OLFM3: variants seen among roughly 807,000 people sequenced by gnomAD.
The protein encoded by OLFM3 is olfactomedin 3.
Under a neutral mutation model 48.6 loss-of-function variants are expected in OLFM3, and 20 were observed. That is an observed-to-expected ratio of 0.41 (90% CI 0.29 to 0.60). The LOEUF (loss-of-function observed/expected upper bound fraction) is 0.60. Among genes scored for constraint, OLFM3 ranks in the 20% least tolerant of loss-of-function variants. The pLI is 0.28. For synonymous variants in OLFM3, 222 were observed against 198.1 expected, an observed-to-expected ratio of 1.12 and a Z score of -1.01; for missense variants, 437 against 544.3, an observed-to-expected ratio of 0.80 and a Z score of 1.96.
Position 101,804,188 on chromosome 1 carries a change from G to A in OLFM3, c.*50C>T. 1.4e-6 allele frequency: 2 copies of A among 1,396,872 alleles called. No individual in the cohort carries two copies. Among genetic ancestry groups the A allele is most frequent in the Non-Finnish European group, 1.9e-6 (2 of 1,032,034 alleles). 86.5% of individuals were successfully genotyped at this position (1,396,872 alleles called of 1,614,324 possible). A position where few individuals can be genotyped will look rare whatever the true frequency, so the allele number is the denominator to read the frequency against. ...AAAAAAACGGAAGGGGTCTTATAGA[G>A]TTTATCACAAATCACACTGTTTAAA... On this transcript the variant is annotated 3_prime_UTR_variant, in exon 6 of 6. Coordinates refer to ENST00000370103, the MANE Select transcript of OLFM3 (RefSeq NM_058170.4). This position sits in a 1 kb window ranked among gnomAD's most constrained non-coding sequence, Gnocchi z 4.5.
At chr1:101,867,235 C>T (rs1291355951) in intron 1 of OLFM3, among the ~76,000 whole-genome samples, 1 of 152,190 alleles carries the variant, frequency 6.6e-6, no homozygotes, top group Non-Finnish European at 1.5e-5. Context: ...CTCTGATTTA[C>T]TTATCAAATC....
At chr1:101,992,717 G>A (rs1166334404) in intron 1 of OLFM3, among the ~76,000 whole-genome samples, 1 of 151,810 alleles carries the variant, frequency 6.6e-6, no homozygotes, top group Non-Finnish European at 1.5e-5. Flanking sequence ...CACTTAGGCA[G>A]TTTAAGTCTG....
At chr1:101,823,806 A>G (rs10747410) in intron 4 of OLFM3, among the ~76,000 whole-genome samples, 99,079 of 151,736 alleles carry the variant, frequency 0.65, 32,823 homozygotes, top group African/African-American at 0.69. Context: ...GGAATAAAGA[A>G]CTGAGGATTC....
Position 101,996,850 on chromosome 1 carries a change from T to C in OLFM3, c.-34A>G, listed in dbSNP as rs1311956033. ...GGGTTTTTGCCCCTCTTTACTCTCTTTTATGTAGGCTCTCCACTCACTGCA... is the reference window on the plus strand; with the variant it reads ...GGGTTTTTGCCCCTCTTTACTCTCTCTTATGTAGGCTCTCCACTCACTGCA... On this transcript the variant is annotated 5_prime_UTR_variant, in exon 1 of 6. Coordinates refer to ENST00000370103, the MANE Select transcript of OLFM3 (RefSeq NM_058170.4). 4 of 1,609,254 alleles carry C rather than the reference T, an allele frequency of 2.5e-6. No individual in the cohort carries two copies. Among genetic ancestry groups the C allele is most frequent in the Non-Finnish European group, 3.4e-6 (4 of 1,175,866 alleles).
intron 1 of OLFM3, among the ~76,000 whole-genome samples, chr1:101,897,060 A>G (rs1658233669): frequency 2.6e-5 from 4 of 152,182 alleles, no homozygotes; most frequent in Admixed American, 2.6e-4. Flanking sequence ...TAGGATGTCC[A>G]TAAGTGCTAA....
intron 1 of OLFM3, among the ~76,000 whole-genome samples, chr1:101,952,713 C>T (rs1217949603): frequency 6.6e-6 from 1 of 151,962 alleles, no homozygotes; most frequent in Non-Finnish European, 1.5e-5. Flanking sequence ...AACCACTTAC[C>T]AATGAGCATT....
At chr1:101,848,737 C>T (rs538535159) in intron 1 of OLFM3, among the ~76,000 whole-genome samples, 2 of 152,096 alleles carry the variant, frequency 1.3e-5, no homozygotes, top group Admixed American at 6.5e-5. Context: ...ATTTACAAAT[C>T]TAATGTTGAA....
rs1653549605 is a variant in OLFM3 at position 101,802,754 on chromosome 1, CT to C, written c.*1483del. The C allele has an allele frequency of 6.6e-6, 1 of 151,536 alleles. No individual in the cohort carries two copies. The highest frequency in any genetic ancestry group is 1.5e-5 in the Non-Finnish European group (1 of 67,690). The allele number at this position is 151,536 out of a possible 1,614,324, so 9.4% of individuals were successfully genotyped here. The stretch of plus-strand genomic sequence containing the variant: ...ATCATGGTACTATGTATGTGTGAAA[CT>C]AAACATTTAAAACAATTTGTTTTAT... On this transcript the variant is annotated 3_prime_UTR_variant, in exon 6 of 6. Transcript: ENST00000370103.
intron 1 of OLFM3, among the ~76,000 whole-genome samples, chr1:101,922,392 T>C (rs1659125973): frequency 6.6e-6 from 1 of 152,158 alleles, no homozygotes. Context: ...TTGAACACCG[T>C]ACATACAGGC....
rs1656234396 is a variant in OLFM3, at chr1:101,851,902, T to C, written c.70-14877A>G. Among the ~76,000 whole-genome samples the C allele has an allele frequency of 2.6e-5, 4 of 152,254 alleles. No individual in the cohort carries two copies. In the South Asian group the frequency reaches 8.3e-4, roughly 32 times the overall value. Reference sequence around the variant, plus strand: ...CTGTTAAGACCCAAATTTCCAGGTCTCACCTGAGTCTGATTTAGCTTTAGG... The same window carrying C: ...CTGTTAAGACCCAAATTTCCAGGTCCCACCTGAGTCTGATTTAGCTTTAGG... On this transcript the variant is annotated intron_variant, in intron 1 of 5. Coordinates refer to ENST00000370103, the MANE Select transcript of OLFM3 (RefSeq NM_058170.4).
intron 1 of OLFM3, among the ~76,000 whole-genome samples, chr1:101,880,041 A>C (rs985057587): frequency 2.7e-4 from 41 of 151,992 alleles, no homozygotes; most frequent in African/African-American, 8.9e-4. Context: ...CTTTTGCCTA[A>C]ATTTTTAATA....
At chr1:101,837,415 T>C (rs1655481961) in intron 1 of OLFM3, among the ~76,000 whole-genome samples, 1 of 152,126 alleles carries the variant, frequency 6.6e-6, no homozygotes, top group Non-Finnish European at 1.5e-5. Flanking sequence ...CTAATATTAA[T>C]ATATTATTTT....
chr1:101,926,870 G>T (rs971345581), intron 1 of OLFM3, among the ~76,000 whole-genome samples: 19 of 152,058 alleles, frequency 1.2e-4, no homozygotes, highest in Admixed American at 1.2e-3. Context: ...TTTTTAAAAG[G>T]CTTACTATTT....
At chr1:101,876,810 G>A (rs1657319762) in intron 1 of OLFM3, among the ~76,000 whole-genome samples, 1 of 151,876 alleles carries the variant, frequency 6.6e-6, no homozygotes, top group Non-Finnish European at 1.5e-5. Context: ...AGTATAGGTT[G>A]TAACAAGTCA....
At chr1:101,819,535 T>C (rs1483605972) in intron 4 of OLFM3, among the ~76,000 whole-genome samples, 1 of 152,026 alleles carries the variant, frequency 6.6e-6, no homozygotes, top group Non-Finnish European at 1.5e-5. Context: ...GAAGTGAGGA[T>C]GCAGAAGAGC....
intron 1 of OLFM3, among the ~76,000 whole-genome samples, chr1:101,891,537 T>C (rs1657998906): frequency 1.3e-5 from 2 of 151,966 alleles, no homozygotes; most frequent in African/African-American, 4.8e-5. Flanking sequence ...TTTGTTTTCT[T>C]AAAATTTGGA....
intron 1 of OLFM3, chr1:101,846,796 C>A: frequency 7.1e-7 from 1 of 1,413,082 alleles, no homozygotes; most frequent in Non-Finnish European, 1.0e-6. Context: ...ACAAAGCCCA[C>A]TAAATGCACT....
intron 1 of OLFM3, among the ~76,000 whole-genome samples, chr1:101,906,617 G>A (rs958654021): frequency 1.3e-5 from 2 of 152,016 alleles, no homozygotes; most frequent in Non-Finnish European, 2.9e-5. Flanking sequence ...TAAAACCATG[G>A]AAGAACCTAA....
intron 2 of OLFM3, among the ~76,000 whole-genome samples, chr1:101,832,442 T>TC (rs1470220524): frequency 1.3e-5 from 2 of 152,226 alleles, no homozygotes; most frequent in African/African-American, 2.4e-5. Flanking sequence ...TGCCTTTTTT[T>TC]CACCCTTTTC....
Sources: gnomAD v4.1 joint callset for allele counts (sites outside exome capture counted in the v4.1 genomes callset) on GRCh38, gnomAD v4.1.1 for gene constraint, Gnocchi (gnomAD v3.1) non-coding constraint, MANE v1.5 for transcripts, NCBI Gene and HGNC (gene_info 2026-07-23, HGNC 2026-07-21) for gene names.